RSPH14: variants seen among roughly 807,000 people sequenced by gnomAD.
RSPH14 encodes rhabdoid tumor deletion region gene 1.
In RSPH14, 20 loss-of-function variants were observed where a neutral mutation model predicts 26.7. The observed-to-expected ratio is 0.75, with a 90% confidence interval of 0.53 to 1.09. RSPH14 has a LOEUF of 1.09. Among genes scored for constraint, RSPH14 ranks in the 50% least tolerant of loss-of-function variants. The pLI is 0.00. For missense variants in RSPH14, 449 were observed against 457.2 expected (o/e 0.98, Z 0.16); for synonymous variants, 177 against 189.3 (o/e 0.93, Z 0.53).
chr22:23,176,788 A>C, the RSPH14 span, among the ~76,000 whole-genome samples: 4 of 151,796 alleles, frequency 2.6e-5, no homozygotes, highest in African/African-American at 9.7e-5. Flanking sequence ...CCCACCTCCC[A>C]CGCCCAACCT....
At chr22:23,140,082 G>A (rs1255157140) in intron 2 of RSPH14, 140 bp downstream of exon 2, 1 of 1,011,072 alleles carries the variant, frequency 9.9e-7, no homozygotes, top group East Asian at 2.6e-5. Context: ...TTTTTAAAAA[G>A]AACCCGGGCA....
At chr22:23,173,629 G>GTTT in the RSPH14 span, among the ~76,000 whole-genome samples, 4 of 85,484 alleles carry the variant, frequency 4.7e-5, 1 homozygote, top group Non-Finnish European at 1.0e-4. Flanking sequence ...TTGGTTTTTT[G>GTTT]TTTTTTGTTT....
intron 4 of RSPH14, among the ~76,000 whole-genome samples, chr22:23,130,528 G>GAAAGAAAGAAAGAA (rs1327093127): frequency 6.6e-6 from 1 of 150,890 alleles, no homozygotes; most frequent in Admixed American, 6.6e-5. Context: ...AAGAAAGAAA[G>GAAAGAAAGAAAGAA]AAAGAGAAAG....
chr22:23,087,794 T>A (rs929462467), intron 4 of RSPH14, among the ~76,000 whole-genome samples: 5 of 152,186 alleles, frequency 3.3e-5, no homozygotes, highest in Non-Finnish European at 7.3e-5. Flanking sequence ...TGAGCCAGTT[T>A]ATTGATCTGG....
At chr22:23,097,767 G>A (rs571249557) in intron 4 of RSPH14, among the ~76,000 whole-genome samples, 125 of 152,362 alleles carry the variant, frequency 8.2e-4, no homozygotes, top group African/African-American at 2.8e-3. Context: ...TGGGCAGAGC[G>A]CTTGGGGCTG....
intron 4 of RSPH14, among the ~76,000 whole-genome samples, chr22:23,068,060 G>A (rs2068250381): frequency 6.6e-6 from 1 of 152,192 alleles, no homozygotes; most frequent in Non-Finnish European, 1.5e-5. Flanking sequence ...GCAGTTCTTA[G>A]GCCAACGTCC....
chr22:23,093,432 C>A (rs2069043195), intron 4 of RSPH14, among the ~76,000 whole-genome samples: 1 of 152,170 alleles, frequency 6.6e-6, no homozygotes, highest in Non-Finnish European at 1.5e-5. Flanking sequence ...GGAACGAGGC[C>A]AGGACGGGCC....
chr22:23,176,530 C>A, the RSPH14 span, among the ~76,000 whole-genome samples: 1 of 152,304 alleles, frequency 6.6e-6, no homozygotes, highest in South Asian at 2.1e-4. Flanking sequence ...GTCCCACTTT[C>A]TCTCTTGCCT....
chr22:23,130,584 G>A (rs747334160), intron 4 of RSPH14, among the ~76,000 whole-genome samples: 16 of 152,164 alleles, frequency 1.1e-4, no homozygotes, highest in Non-Finnish European at 2.1e-4. Flanking sequence ...AATCAACAAA[G>A]GCACAGTGAG....
chr22:23,097,038 G>A (rs1439651061), intron 4 of RSPH14, among the ~76,000 whole-genome samples: 1 of 152,186 alleles, frequency 6.6e-6, no homozygotes, highest in Non-Finnish European at 1.5e-5. Flanking sequence ...AGAAGGTCTA[G>A]CACACGAAGG....
chr22:23,158,848 T>C, the RSPH14 span: 1 of 1,522,118 alleles, frequency 6.6e-7, no homozygotes, highest in Non-Finnish European at 9.1e-7. Context: ...TGCCCCCTGT[T>C]TGGGGTGGGA....
At chr22:23,164,001 A>G in the RSPH14 span, 1 of 152,268 alleles carries the variant, frequency 6.6e-6, no homozygotes, top group Non-Finnish European at 1.5e-5. Context: ...ATGGTGCTGC[A>G]GTGGCCATTC....
intron 4 of RSPH14, among the ~76,000 whole-genome samples, chr22:23,075,361 A>C (rs59990120): frequency 0.13 from 19,349 of 152,216 alleles, 1,344 homozygotes; most frequent in South Asian, 0.18. Flanking sequence ...TCTTCACTAA[A>C]TGTCTTGCTT....
intron 6 of RSPH14, 125 bp from the exon 7 acceptor site, chr22:23,059,843 C>A: frequency 1.9e-6 from 2 of 1,066,996 alleles, no homozygotes; most frequent in East Asian, 2.7e-5. Flanking sequence ...CTGGTTTATG[C>A]CCCACCAACA....
chr22:23,158,321 C>A, the RSPH14 span, among the ~76,000 whole-genome samples: 3 of 152,252 alleles, frequency 2.0e-5, no homozygotes, highest in African/African-American at 7.2e-5. Context: ...AATACACTGC[C>A]TTTGCCATGT....
the RSPH14 span, among the ~76,000 whole-genome samples, chr22:23,168,147 C>T: frequency 6.6e-6 from 1 of 152,218 alleles, no homozygotes; most frequent in African/African-American, 2.4e-5. Flanking sequence ...CCCATTCACT[C>T]CTCCCGCAGC....
chr22:23,158,988 A>G, the RSPH14 span: 1 of 1,613,686 alleles, frequency 6.2e-7, no homozygotes. Flanking sequence ...TGGTGAGCAG[A>G]GTGGCACTGG....
At chr22:23,082,135 CA>C (rs77916701) in intron 4 of RSPH14, among the ~76,000 whole-genome samples, 7,618 of 137,426 alleles carry the variant, frequency 0.055, 662 homozygotes, top group African/African-American at 0.18. Context: ...AAAAAAAAAA[CA>C]AAAAAAAAAA....
chr22:23,107,698 C>G (rs761941116), intron 4 of RSPH14, among the ~76,000 whole-genome samples: 5 of 152,188 alleles, frequency 3.3e-5, no homozygotes, highest in Non-Finnish European at 5.9e-5. Flanking sequence ...GAGTCGGGTC[C>G]TGGGCCTCTG....
Sources: allele counts gnomAD v4.1 joint callset (sites outside exome capture counted in the v4.1 genomes callset), GRCh38; gene constraint gnomAD v4.1.1; transcripts MANE v1.5; gene names NCBI Gene and HGNC (gene_info 2026-07-23, HGNC 2026-07-21).